Variants in PDZD2 observed in about 807,000 individuals in gnomAD.
PDZD2 encodes PDZ domain containing 2.
Under a neutral mutation model 220.7 loss-of-function variants are expected in PDZD2, and 90 were observed. The ratio of observed to expected loss-of-function variants is 0.41; its 90% CI spans 0.34 to 0.49. The LOEUF is 0.49. PDZD2 is among the 20% of genes least tolerant of loss of function. The pLI, the probability that PDZD2 is intolerant of heterozygous loss-of-function variation, is 0.28. For synonymous variants in PDZD2, 1,375 were observed against 1,450.5 expected (o/e 0.95, Z 1.18); for missense variants, 3,174 against 3,608.5 (o/e 0.88, Z 3.08).
intron 21 of PDZD2, 39 bp from the exon 22 acceptor site, chr5:32,097,240 G>A: frequency 7.5e-7 from 1 of 1,331,168 alleles, no homozygotes; most frequent in South Asian, 1.2e-5. Context: ...ATTTTTTGCA[G>A]CTGTAGCTCA....
At chr5:31,847,392 A>C (rs1373288475) in intron 2 of PDZD2, 1 of 457,396 alleles carries the variant, frequency 2.2e-6, no homozygotes, top group African/African-American at 2.0e-5. Context: ...ATAGAGGATA[A>C]AAATAAGTAC....
chr5:31,755,011 G>A (rs1235761691), intron 1 of PDZD2, among the ~76,000 whole-genome samples: 1 of 152,192 alleles, frequency 6.6e-6, no homozygotes, highest in East Asian at 1.9e-4. Context: ...GTTATAAAAA[G>A]CGCAGAGAAG....
chr5:31,641,020 T>G (rs1744928959), intron 1 of PDZD2, among the ~76,000 whole-genome samples: 1 of 152,224 alleles, frequency 6.6e-6, no homozygotes, highest in Non-Finnish European at 1.5e-5. Context: ...TGATTTTGCA[T>G]GTACTTTATG....
chr5:31,774,232 A>G (rs1752503094), intron 1 of PDZD2, among the ~76,000 whole-genome samples: 1 of 152,012 alleles, frequency 6.6e-6, no homozygotes, highest in African/African-American at 2.4e-5. Context: ...GGTAGTTCAG[A>G]TTTGAGCACC....
At chr5:31,923,917 G>A (rs533115346) in intron 2 of PDZD2, among the ~76,000 whole-genome samples, 5 of 152,096 alleles carry the variant, frequency 3.3e-5, no homozygotes, top group South Asian at 2.1e-4. Flanking sequence ...CACTAGAGTC[G>A]TGTCTCCTGC....
chr5:31,871,600 G>T (rs1347996565), intron 2 of PDZD2, among the ~76,000 whole-genome samples: 1 of 152,016 alleles, frequency 6.6e-6, no homozygotes, highest in Non-Finnish European at 1.5e-5. Context: ...ACAGGCGTGT[G>T]CCACCATGCC....
intron 2 of PDZD2, among the ~76,000 whole-genome samples, chr5:31,875,610 A>G (rs868577783): frequency 6.8e-6 from 1 of 147,388 alleles, no homozygotes; most frequent in Non-Finnish European, 1.5e-5. Context: ...ATATATATAT[A>G]TTTTAAAAAT....
chr5:31,926,308 CA>C (rs1744755469), intron 2 of PDZD2, among the ~76,000 whole-genome samples: 1 of 151,490 alleles, frequency 6.6e-6, no homozygotes, highest in African/African-American at 2.4e-5. Flanking sequence ...GCGGGCGGAT[CA>C]CCTGAGGTCA....
chr5:31,868,522 A>G (rs1044833607), intron 2 of PDZD2, among the ~76,000 whole-genome samples: 1 of 152,178 alleles, frequency 6.6e-6, no homozygotes, highest in Non-Finnish European at 1.5e-5. Context: ...GCTTTTCTCA[A>G]CAATAAAGCA....
chr5:31,886,789 C>G (rs1282413534), intron 2 of PDZD2, among the ~76,000 whole-genome samples: 1 of 151,998 alleles, frequency 6.6e-6, no homozygotes, highest in Non-Finnish European at 1.5e-5. Flanking sequence ...ACTCCGCCTC[C>G]CGGGTTCACG....
intron 1 of PDZD2, among the ~76,000 whole-genome samples, chr5:31,737,266 A>G (rs1342380967): frequency 4.3e-5 from 6 of 140,332 alleles, no homozygotes; most frequent in South Asian, 2.2e-4. Context: ...TCCGCCTCTC[A>G]GGTTCACGCC....
chr5:31,640,376 C>T (rs1028270968), intron 1 of PDZD2, among the ~76,000 whole-genome samples: 1 of 152,206 alleles, frequency 6.6e-6, no homozygotes, highest in East Asian at 1.9e-4. Flanking sequence ...TGGGACTGGC[C>T]GTTGGGCAGT....
At chr5:32,100,562 C>G in intron 23 of PDZD2, 1 of 329,414 alleles carries the variant, frequency 3.0e-6, no homozygotes, top group Non-Finnish European at 5.9e-6. Flanking sequence ...TTTCCCTTTG[C>G]AGGAGCAGGA....
chr5:31,810,835 T>C (rs775761293), intron 2 of PDZD2, among the ~76,000 whole-genome samples: 21 of 152,198 alleles, frequency 1.4e-4, no homozygotes, highest in Admixed American at 2.6e-4. Context: ...AATATATAAC[T>C]CTTGTACAAT....
intron 6 of PDZD2, among the ~76,000 whole-genome samples, chr5:32,014,732 T>TTTTTTTTTTTTTTTTTTTTG (rs1753630151): frequency 1.8e-5 from 1 of 54,750 alleles, no homozygotes; most frequent in African/African-American, 5.1e-5. Context: ...TTTTTTTTTT[T>TTTTTTTTTTTTTTTTTTTTG]TTGAGATGGA....
At chr5:31,742,611 T>C (rs1561423647) in intron 1 of PDZD2, among the ~76,000 whole-genome samples, 1 of 147,120 alleles carries the variant, frequency 6.8e-6, no homozygotes, top group African/African-American at 2.5e-5. Flanking sequence ...AGGCTGTGGA[T>C]TCAGAGCTTC....
At chr5:31,778,601 A>G (rs1161539070) in intron 1 of PDZD2, among the ~76,000 whole-genome samples, 1 of 152,074 alleles carries the variant, frequency 6.6e-6, no homozygotes, top group Non-Finnish European at 1.5e-5. Flanking sequence ...CCATGAACCC[A>G]CCAGCAGGAA....
intron 1 of PDZD2, among the ~76,000 whole-genome samples, chr5:31,753,616 TAAACAAAC>T (rs750960951): frequency 2.0e-5 from 3 of 152,240 alleles, no homozygotes; most frequent in African/African-American, 7.2e-5. Context: ...AATAAATAAA[TAAACAAAC>T]AAACAAACAA....
intron 1 of PDZD2, among the ~76,000 whole-genome samples, chr5:31,706,954 C>T (rs180824758): frequency 3.6e-4 from 54 of 152,076 alleles, no homozygotes; most frequent in Middle Eastern, 3.4e-3. Flanking sequence ...AGCCTTAACC[C>T]CCAGCATGAC....
Sources: allele counts gnomAD v4.1 joint callset (sites outside exome capture counted in the v4.1 genomes callset), GRCh38; gene constraint gnomAD v4.1.1; transcripts MANE v1.5; gene names NCBI Gene and HGNC (gene_info 2026-07-23, HGNC 2026-07-21).